Variants in SEPTIN9 observed in about 807,000 individuals in gnomAD.
SEPTIN9 encodes the protein septin 9, also known as septin-9.
Under a neutral mutation model 56.6 loss-of-function variants are expected in SEPTIN9, and 13 were observed. The ratio of observed to expected loss-of-function variants is 0.23; its 90% CI spans 0.15 to 0.37. The LOEUF (loss-of-function observed/expected upper bound fraction) is 0.37, where lower values mean the gene tolerates loss of function less well. Among genes scored for constraint, SEPTIN9 ranks in the 10% least tolerant of loss-of-function variants. The pLI, the probability that SEPTIN9 is intolerant of heterozygous loss-of-function variation, is 1.00. For synonymous variants in SEPTIN9, 332 were observed against 334.1 expected (o/e 0.99, Z 0.07); for missense variants, 650 against 823.1 (o/e 0.79, Z 2.57).
chr17:77,373,494 C>G, intron 2 of SEPTIN9: 5 of 1,536,722 alleles, frequency 3.3e-6, no homozygotes, highest in Non-Finnish European at 4.4e-6. Context: ...GCCCACCAGC[C>G]ATCATGTCGG....
intron 3 of SEPTIN9, among the ~76,000 whole-genome samples, chr17:77,439,928 A>G (rs932919828): frequency 2.0e-5 from 3 of 151,996 alleles, no homozygotes; most frequent in Non-Finnish European, 4.4e-5. Context: ...TTACCACCCT[A>G]TTTTAACTTT....
rs1038274096 is a variant in SEPTIN9 at position 77,330,958 on chromosome 17, T to A, written c.76+23761T>A. ...GCTGGGAATCGGAGCTCACCTGGAG[T>A]CCCAGGCAGCAGATTCGATGCAGTG... On this transcript the variant is annotated intron_variant, in intron 2 of 11. Coordinates refer to ENST00000427177, the MANE Select transcript of SEPTIN9 (RefSeq NM_001113491.2). This position sits in a 1 kb window ranked among gnomAD's most constrained non-coding sequence, Gnocchi z 4.4. 2.6e-5 allele frequency among the ~76,000 whole-genome samples: 4 copies of A among 152,012 alleles called. No homozygotes were observed. Among genetic ancestry groups the A allele is most frequent in the African/African-American group, 9.7e-5 (4 of 41,350 alleles).
chr17:77,322,349 A>G (rs1172757136), intron 2 of SEPTIN9, among the ~76,000 whole-genome samples: 2 of 152,252 alleles, frequency 1.3e-5, no homozygotes, highest in East Asian at 1.9e-4. Flanking sequence ...CAGCACAGCC[A>G]GGGATGAAGC....
Position 77,405,948 on chromosome 17 carries a change from G to C in SEPTIN9, c.721+3245G>C, listed in dbSNP as rs190362177. Among the ~76,000 whole-genome samples the C allele has an allele frequency of 6.6e-6, 1 of 152,326 alleles. No individual in the cohort carries two copies. Among genetic ancestry groups the C allele is most frequent in the African/African-American group, 2.4e-5 (1 of 41,576 alleles). On this transcript the variant is annotated intron_variant, in intron 3 of 11. Transcript: ENST00000427177. This position sits in a 1 kb window ranked among gnomAD's most constrained non-coding sequence, Gnocchi z 5.8. ...CTGTCCCCCGAGCACCAGGGATCCA[G>C]CTGGCACCATGGGGAAAGGAATCAT...
intron 1 of SEPTIN9, among the ~76,000 whole-genome samples, chr17:77,288,900 G>A (rs950134988): frequency 6.6e-6 from 1 of 152,234 alleles, no homozygotes; most frequent in Non-Finnish European, 1.5e-5. Context: ...GGCACCGAGG[G>A]GCGGGGAGGA....
chr17:77,492,495 C>A lies in SEPTIN9; in HGVS notation c.1381-126C>A. ...AGTTGGAGGTGATTGGTGTCACAGC[C>A]CCCCAGAGCCTGCCCTTGAACCCGA... On this transcript the variant is annotated intron_variant, in intron 8 of 11. Coordinates refer to ENST00000427177, the MANE Select transcript of SEPTIN9 (RefSeq NM_001113491.2). This position sits in a 1 kb window ranked among gnomAD's most constrained non-coding sequence, Gnocchi z 5.4. 1.2e-6 allele frequency: 1 copy of A among 825,594 alleles called. No individual in the cohort carries two copies. 51.1% of individuals were successfully genotyped at this position (825,594 alleles called of 1,614,324 possible).
intron 6 of SEPTIN9, 62 bp from the exon 7 acceptor site, chr17:77,488,665 G>T: frequency 1.2e-6 from 2 of 1,607,022 alleles, no homozygotes. Context: ...TCCTGGGAAT[G>T]CACGACCTGC....
chr17:77,451,800 C>T lies in SEPTIN9; in HGVS notation c.722-30344C>T, dbSNP rs1214775271. On this transcript the variant is annotated intron_variant, in intron 3 of 11. Coordinates refer to ENST00000427177, the MANE Select transcript of SEPTIN9 (RefSeq NM_001113491.2). The surrounding 1 kb of genome is among the most constrained non-coding windows in gnomAD (Gnocchi z 4.2). ...CAGCTATCTCTTTGTAAATATTTGG[C>T]CAACTAAGCTGAGTGGCTAAGTTCT... Among the ~76,000 whole-genome samples, 3 of 152,204 alleles carry T rather than the reference C, an allele frequency of 2.0e-5. No homozygotes were observed. Among genetic ancestry groups the T allele is most frequent in the African/African-American group, 4.8e-5 (2 of 41,454 alleles).
intron 4 of SEPTIN9, among the ~76,000 whole-genome samples, chr17:77,486,107 C>T (rs775496306): frequency 5.3e-5 from 8 of 151,878 alleles, no homozygotes; most frequent in Admixed American, 3.9e-4. Flanking sequence ...TGAGCCATCT[C>T]GCCTGGCCGA....
chr17:77,499,578 C>T lies in SEPTIN9; in HGVS notation c.*920C>T, dbSNP rs2040423856. On this transcript the variant is annotated 3_prime_UTR_variant, in exon 12 of 12. Coordinates refer to ENST00000427177, the MANE Select transcript of SEPTIN9 (RefSeq NM_001113491.2). ...AAGGTTGGCGGGGGCACGTGTGGGC[C>T]GTGGCTTGGGCTGGTCAGAGTGGCG... 6.7e-6 allele frequency: 3 copies of T among 448,686 alleles called. 1 individual carries two copies. Among genetic ancestry groups the T allele is most frequent in the South Asian group, 4.0e-5 (2 of 50,584 alleles). The allele number at this position is 448,686 out of a possible 1,614,324, so 27.8% of individuals were successfully genotyped here.
chr17:77,346,295 T>C (rs1568005681), intron 2 of SEPTIN9, among the ~76,000 whole-genome samples: 1 of 145,530 alleles, frequency 6.9e-6, no homozygotes. Flanking sequence ...TTTTTTTTTT[T>C]TTTTTTTTTT....
chr17:77,371,255 C>T lies in SEPTIN9; in HGVS notation c.77-30804C>T, dbSNP rs993328402. Among the ~76,000 whole-genome samples, 1 of 152,218 alleles carries T rather than the reference C, an allele frequency of 6.6e-6. No homozygotes were observed. ...CTGAGCACAGTCACGAAGGCATGCG[C>T]ACTTTCTGGCTGCTCTCCTGCCATT... On this transcript the variant is annotated intron_variant, in intron 2 of 11. Transcript: ENST00000427177. The surrounding 1 kb of genome is among the most constrained non-coding windows in gnomAD (Gnocchi z 4.1).
At chr17:77,414,285 GGC>G (rs1477352864) in intron 3 of SEPTIN9, among the ~76,000 whole-genome samples, 3 of 151,782 alleles carry the variant, frequency 2.0e-5, no homozygotes, top group African/African-American at 7.3e-5. Context: ...TCCATGTTGA[GGC>G]TGGTCTCGAA....
intron 3 of SEPTIN9, among the ~76,000 whole-genome samples, chr17:77,438,683 C>T (rs1435572588): frequency 1.3e-5 from 2 of 152,160 alleles, no homozygotes; most frequent in African/African-American, 2.4e-5. Flanking sequence ...CGGGAGGGTG[C>T]GCAGCCCTGT....
intron 3 of SEPTIN9, among the ~76,000 whole-genome samples, chr17:77,479,399 A>G (rs956446521): frequency 3.9e-5 from 6 of 152,084 alleles, no homozygotes; most frequent in Non-Finnish European, 7.4e-5. Flanking sequence ...CAGGTAGGAG[A>G]GCGAGGCGGG....
Position 77,429,123 on chromosome 17 carries a change from A to G in SEPTIN9, c.721+26420A>G. 2.1e-6 allele frequency: 1 copy of G among 471,642 alleles called. No individual in the cohort carries two copies. Among genetic ancestry groups the G allele is most frequent in the Non-Finnish European group, 4.4e-6 (1 of 227,174 alleles). 29.2% of individuals were successfully genotyped at this position (471,642 alleles called of 1,614,324 possible). A position where few individuals can be genotyped will look rare whatever the true frequency, so the allele number is the denominator to read the frequency against. On this transcript the variant is annotated intron_variant, in intron 3 of 11. Transcript: ENST00000427177. This position sits in a 1 kb window ranked among gnomAD's most constrained non-coding sequence, Gnocchi z 5.2. The stretch of plus-strand genomic sequence containing the variant: ...CGTGTCCTCCGGTGTGTGTGAGGCC[A>G]AGCTCCTGGGGTGGGGACTTGGGGG...
intron 2 of SEPTIN9, among the ~76,000 whole-genome samples, chr17:77,362,950 G>T (rs1355603932): frequency 6.6e-6 from 1 of 152,252 alleles, no homozygotes; most frequent in Admixed American, 6.5e-5. Context: ...GAGGGAACAG[G>T]ATAGGGCAGG....
chr17:77,289,838 A>G (rs2031458456), intron 1 of SEPTIN9, among the ~76,000 whole-genome samples: 1 of 152,224 alleles, frequency 6.6e-6, no homozygotes, highest in Non-Finnish European at 1.5e-5. Context: ...ATGAACAGGA[A>G]ATTGAAAGGA....
intron 2 of SEPTIN9, among the ~76,000 whole-genome samples, chr17:77,364,779 A>T (rs899717839): frequency 2.6e-5 from 4 of 152,218 alleles, no homozygotes; most frequent in Non-Finnish European, 1.5e-5. Context: ...GCTCTGGAGC[A>T]CCCAGAAGTC....
Sources: allele counts gnomAD v4.1 joint callset (sites outside exome capture counted in the v4.1 genomes callset), GRCh38; gene constraint gnomAD v4.1.1; non-coding constraint Gnocchi (gnomAD v3.1); transcripts MANE v1.5; gene names NCBI Gene and HGNC (gene_info 2026-07-23, HGNC 2026-07-21).